SMAD3: variants seen among roughly 807,000 people sequenced by gnomAD.
SMAD3 encodes SMAD family member 3.
A neutral mutation model predicts 51.8 loss-of-function variants in SMAD3; 12 were observed. The observed-to-expected ratio is 0.23, with a 90% CI of 0.15 to 0.38. The LOEUF (loss-of-function observed/expected upper bound fraction) is 0.38, where lower values mean the gene tolerates loss of function less well. Ranked by LOEUF, SMAD3 falls within the 10% of genes least tolerant of loss-of-function variation. SMAD3 has a pLI of 1.00. For synonymous variants in SMAD3, 238 were observed against 227.7 expected, an observed-to-expected ratio of 1.05 and a Z score of -0.41; for missense variants, 294 against 565.6, an observed-to-expected ratio of 0.52 and a Z score of 4.87.
At chr15:67,116,215 C>T (rs965427396) in intron 1 of SMAD3, among the ~76,000 whole-genome samples, 2 of 152,220 alleles carry the variant, frequency 1.3e-5, no homozygotes, top group Non-Finnish European at 2.9e-5. Flanking sequence ...GATAAACCAG[C>T]GCACTGTGGT....
In SMAD3 at chr15:67,194,509, T is replaced by A. The variant is rs1052488; in HGVS notation, c.*3973T>A. On this transcript the variant is annotated 3_prime_UTR_variant, in exon 9 of 9. Coordinates refer to ENST00000327367, the MANE Select transcript of SMAD3 (RefSeq NM_005902.4). ...GATTCTGCAATGGATTTTTTTTTAATGCAGAAGTAATGTATACTCTAGTAT... is the reference window on the plus strand; with the variant it reads ...GATTCTGCAATGGATTTTTTTTTAAAGCAGAAGTAATGTATACTCTAGTAT... 8.6e-6 allele frequency: 2 copies of A among 232,724 alleles called. No individual in the cohort carries two copies. Among genetic ancestry groups the A allele is most frequent in the African/African-American group, 4.4e-5 (2 of 45,252 alleles). 14.4% of individuals were successfully genotyped at this position (232,724 alleles called of 1,614,324 possible).
chr15:67,142,214 G>A (rs1002757277), intron 1 of SMAD3, among the ~76,000 whole-genome samples: 2 of 102,556 alleles, frequency 2.0e-5, no homozygotes, highest in African/African-American at 7.4e-5. Flanking sequence ...CCCCACCATT[G>A]TTTCTAGAAC....
chr15:67,161,650 C>G (rs1468490546), intron 1 of SMAD3, among the ~76,000 whole-genome samples: 2 of 152,196 alleles, frequency 1.3e-5, no homozygotes, highest in East Asian at 3.8e-4. Flanking sequence ...TTCCCACTCT[C>G]CCTTTTACTC....
intron 5 of SMAD3, 122 bp from the exon 6 acceptor site, chr15:67,181,119 A>G (rs1413184958): frequency 1.6e-5 from 12 of 763,944 alleles, no homozygotes; most frequent in Non-Finnish European, 2.3e-5. Context: ...GGCATGGGGT[A>G]GGGAGATTAT....
intron 1 of SMAD3, among the ~76,000 whole-genome samples, chr15:67,137,818 A>C (rs1283958125): frequency 6.6e-6 from 1 of 152,192 alleles, no homozygotes; most frequent in Non-Finnish European, 1.5e-5. Flanking sequence ...GCAGGTCAAA[A>C]TGTCTTGGTG....
Position 67,108,046 on chromosome 15 carries a change from G to A in SMAD3, c.206+41686G>A, listed in dbSNP as rs1960920976. On this transcript the variant is annotated intron_variant, in intron 1 of 8. Transcript: ENST00000327367. The stretch of plus-strand genomic sequence containing the variant: ...ACAGATCTTGCTTCAGCACCTCCCT[G>A]GTTAGAACCCTTCCGTCCAGTGGTT... 2.2e-5 allele frequency among the ~76,000 whole-genome samples: 3 copies of A among 138,034 alleles called. No homozygotes were observed. In the Admixed American group the frequency reaches 2.5e-4, roughly 12 times the overall value. The allele number at this position is 138,034 out of a possible 152,430, so 90.6% of individuals were successfully genotyped here. A position where few individuals can be genotyped will look rare whatever the true frequency, so the allele number is the denominator to read the frequency against.
At position 67,137,918 on chromosome 15, in the gene SMAD3, C is replaced by T. The variant is rs377180257; in HGVS notation, c.207-26977C>T. On this transcript the variant is annotated intron_variant, in intron 1 of 8. Transcript: ENST00000327367. ...GGTGTTGCCAGGGCTCTTCTGTTAGCGACAGAGAAAATAGGAGGTACTAGA... is the reference window on the plus strand; with the variant it reads ...GGTGTTGCCAGGGCTCTTCTGTTAGTGACAGAGAAAATAGGAGGTACTAGA... 15 of 748,978 alleles carry T rather than the reference C, an allele frequency of 2.0e-5. No homozygotes were observed. The East Asian group carries it at 2.2e-4, about 11-fold the overall frequency. The allele number at this position is 748,978 out of a possible 1,614,324, so 46.4% of individuals were successfully genotyped here.
intron 1 of SMAD3, among the ~76,000 whole-genome samples, chr15:67,136,474 C>A (rs533017154): frequency 6.6e-6 from 1 of 152,072 alleles, no homozygotes. Flanking sequence ...GTATTACAGG[C>A]GTGCACCACC....
chr15:67,148,501 C>G (rs1038074456), intron 1 of SMAD3, among the ~76,000 whole-genome samples: 3 of 152,230 alleles, frequency 2.0e-5, no homozygotes, highest in Non-Finnish European at 4.4e-5. Flanking sequence ...GACTCTCTCT[C>G]CCTGGTATGG....
intron 1 of SMAD3, among the ~76,000 whole-genome samples, chr15:67,072,439 A>G (rs1210117755): frequency 6.6e-6 from 1 of 152,192 alleles, no homozygotes; most frequent in Non-Finnish European, 1.5e-5. Flanking sequence ...TAAGTTCTCT[A>G]AGATTGGAAT....
At chr15:67,183,031 A>ATATATT (rs1156620400) in intron 6 of SMAD3, among the ~76,000 whole-genome samples, 2 of 29,702 alleles carry the variant, frequency 6.7e-5, no homozygotes, top group African/African-American at 3.3e-4. Context: ...ATATATATAT[A>ATATATT]TTTTTTTTTT....
At chr15:67,070,283 G>T (rs541059889) in intron 1 of SMAD3, among the ~76,000 whole-genome samples, 2 of 152,100 alleles carry the variant, frequency 1.3e-5, no homozygotes, top group Non-Finnish European at 2.9e-5. Flanking sequence ...GGAGTTCCAC[G>T]TAGGGCCTGA....
chr15:67,182,745 C>T (rs10152566), intron 6 of SMAD3, among the ~76,000 whole-genome samples: 43,809 of 151,456 alleles, frequency 0.29, 6,707 homozygotes, highest in East Asian at 0.55. Context: ...CAGTGACAGA[C>T]AGCCACCACT....
intron 1 of SMAD3, among the ~76,000 whole-genome samples, chr15:67,157,370 G>A (rs1042014276): frequency 1.6e-4 from 24 of 152,308 alleles, no homozygotes; most frequent in African/African-American, 5.8e-4. Context: ...CAGAAAAAGC[G>A]CTGTTCATCC....
rs762889441 is a variant in SMAD3, at chr15:67,164,991, C to T, written c.303C>T (p.His101=). The T allele has an allele frequency of 4.3e-6, 7 of 1,614,018 alleles. No individual in the cohort carries two copies. The highest frequency in any genetic ancestry group is 2.2e-5 in the East Asian group (1 of 44,892). The part of the protein sequence containing the change: ...LWRWPDLHSH[H]ELRAMELCEF... ...GATGGCCAGACCTGCACAGCCACCA[C>T]GAGCTACGGGCCATGGAGCTGTGTG... Residue 101 remains histidine, a synonymous_variant, in exon 2 of 9, where the codon CAC becomes CAT. Transcript: ENST00000327367.
chr15:67,166,564 G>C, intron 3 of SMAD3: 1 of 631,156 alleles, frequency 1.6e-6, no homozygotes, highest in Non-Finnish European at 2.9e-6. Context: ...ATCCGGTCCT[G>C]CGTGAGCAAA....
rs879545306 is a variant in SMAD3, at chr15:67,098,374, G to GC, written c.206+32015dup. 8.0e-3 allele frequency among the ~76,000 whole-genome samples: 1,132 copies of GC among 141,934 alleles called. 21 individuals carry two copies. Among genetic ancestry groups the GC allele is most frequent in the Middle Eastern group, 0.021 (6 of 284 alleles). The allele number at this position is 141,934 out of a possible 152,430, so 93.1% of individuals were successfully genotyped here. A position where few individuals can be genotyped will look rare whatever the true frequency, so the allele number is the denominator to read the frequency against. The stretch of plus-strand genomic sequence containing the variant: ...AGAGAGCGAGCGAGCAAGCAAGCAA[G>GC]CAAGCCAGCAGGATTTGGAATCGTC... On this transcript the variant is annotated intron_variant, in intron 1 of 8. Coordinates refer to ENST00000327367, the MANE Select transcript of SMAD3 (RefSeq NM_005902.4).
At chr15:67,147,784 G>A (rs1379234965) in intron 1 of SMAD3, among the ~76,000 whole-genome samples, 2 of 152,062 alleles carry the variant, frequency 1.3e-5, no homozygotes, top group Admixed American at 6.6e-5. Flanking sequence ...CACCTTTCTG[G>A]TTTAAAGCAA....
chr15:67,137,936 G>A (rs1219522045), intron 1 of SMAD3: 1 of 851,834 alleles, frequency 1.2e-6, no homozygotes, highest in African/African-American at 1.7e-5. Context: ...AAAATAGGAG[G>A]TACTAGAATT....
Sources: gnomAD v4.1 joint callset for allele counts (sites outside exome capture counted in the v4.1 genomes callset) on GRCh38, gnomAD v4.1.1 for gene constraint, MANE v1.5 for transcripts, NCBI Gene and HGNC (gene_info 2026-07-23, HGNC 2026-07-21) for gene names.